Variants in CALN1 observed in about 807,000 individuals in gnomAD.
The protein encoded by CALN1 is calneuron 1, also known as calcium-binding protein 8.
In CALN1, 17 loss-of-function variants were observed where a neutral mutation model predicts 30.6. The ratio of observed to expected loss-of-function variants is 0.56; its 90% CI spans 0.38 to 0.83. The LOEUF (loss-of-function observed/expected upper bound fraction) is 0.83. Among genes scored for constraint, CALN1 ranks in the 40% least tolerant of loss-of-function variants. The pLI is 0.00. For missense variants in CALN1, 291 were observed against 354.9 expected (o/e 0.82, Z 1.45); for synonymous variants, 156 against 131.4 (o/e 1.19, Z -1.28).
At chr7:71,810,579 C>G in intron 5 of CALN1, 87 bp from the exon 6 acceptor site, 7 of 1,372,444 alleles carry the variant, frequency 5.1e-6, no homozygotes, top group Non-Finnish European at 7.0e-6. Flanking sequence ...CCCACAGCTG[C>G]TCTGCAGAAA....
intron 2 of CALN1, among the ~76,000 whole-genome samples, chr7:72,375,062 C>T (rs1203866360): frequency 6.6e-6 from 1 of 152,068 alleles, no homozygotes; most frequent in Non-Finnish European, 1.5e-5. Flanking sequence ...AAAAGATTGT[C>T]TTTATTTACA....
chr7:71,892,039 A>G (rs1460985459), intron 5 of CALN1, among the ~76,000 whole-genome samples: 2 of 152,332 alleles, frequency 1.3e-5, no homozygotes, highest in East Asian at 1.9e-4. Flanking sequence ...GGCAGAGACT[A>G]TATCATGCCT....
intron 2 of CALN1, among the ~76,000 whole-genome samples, chr7:72,366,032 A>G (rs888980246): frequency 2.0e-5 from 3 of 152,314 alleles, no homozygotes; most frequent in African/African-American, 4.8e-5. Context: ...AGACATGTTT[A>G]TAAGGATGTG....
In CALN1 at chr7:72,408,270, T is replaced by TAAA. The variant is rs34402288; in HGVS notation, c.-74+3785_-74+3787dup. ...CAACATGGTGAAACCCCATCTCTAT[T>TAAA]AAAAAAAAAAAAAAAAAAAAATTAG... On this transcript the variant is annotated intron_variant, in intron 1 of 6. Transcript: ENST00000395275. 4.0e-4 allele frequency among the ~76,000 whole-genome samples: 52 copies of TAAA among 129,448 alleles called. 1 individual carries two copies. The East Asian group carries it at 8.4e-3, about 21-fold the overall frequency. The allele number at this position is 129,448 out of a possible 152,430, so 84.9% of individuals were successfully genotyped here. A position where few individuals can be genotyped will look rare whatever the true frequency, so the allele number is the denominator to read the frequency against.
intron 5 of CALN1, among the ~76,000 whole-genome samples, chr7:71,962,032 T>A (rs919979504): frequency 5.9e-5 from 9 of 152,150 alleles, no homozygotes; most frequent in Non-Finnish European, 1.0e-4. Context: ...CATCTCTTCA[T>A]TTGTATCTGC....
rs549931085 is a variant in CALN1 at position 71,996,786 on chromosome 7, T to A, written c.501+26871A>T. 7.2e-5 allele frequency among the ~76,000 whole-genome samples: 11 copies of A among 151,902 alleles called. No individual in the cohort carries two copies. In the South Asian group the frequency reaches 1.0e-3, roughly 14 times the overall value. ...ATGTATCCTTAAAATAAAATAAAAT[T>A]AAATTAAAAAAAGAAGTCACCATGA... On this transcript the variant is annotated intron_variant, in intron 5 of 6. Transcript: ENST00000395275.
chr7:72,412,529 G>A (rs1330249762), upstream of CALN1, among the ~76,000 whole-genome samples: 3 of 151,998 alleles, frequency 2.0e-5, no homozygotes, highest in Non-Finnish European at 2.9e-5. Context: ...GCTAGACACA[G>A]AGCACCGATT....
chr7:72,345,410 G>A (rs150696792), intron 2 of CALN1, among the ~76,000 whole-genome samples: 2 of 3,560 alleles, frequency 5.6e-4, no homozygotes, highest in East Asian at 0.029. Flanking sequence ...AGGAAAGAAA[G>A]AAGAGAAAGG....
At chr7:72,014,172 C>T (rs530610862) in intron 5 of CALN1, among the ~76,000 whole-genome samples, 5 of 151,114 alleles carry the variant, frequency 3.3e-5, no homozygotes, top group African/African-American at 7.3e-5. Context: ...CTGCAGCCTC[C>T]GTCCCCTGGG....
Position 72,022,497 on chromosome 7 carries a change from A to G in CALN1, c.501+1160T>C, listed in dbSNP as rs141244336. On this transcript the variant is annotated intron_variant, in intron 5 of 6. Coordinates refer to ENST00000395275, the MANE Select transcript of CALN1 (RefSeq NM_031468.4). ...AGCTTTGAACTCCTGGGCTCAAGCG[A>G]TCTTCCTCCCTCAGCCTCAAGAGTA... 2.2e-3 allele frequency among the ~76,000 whole-genome samples: 335 copies of G among 152,328 alleles called. 2 individuals are homozygous for G. The highest frequency in any genetic ancestry group is 7.4e-3 in the African/African-American group (306 of 41,582).
intron 2 of CALN1, among the ~76,000 whole-genome samples, chr7:72,355,765 G>T (rs1803184299): frequency 6.6e-6 from 1 of 152,150 alleles, no homozygotes; most frequent in Non-Finnish European, 1.5e-5. Flanking sequence ...TTAAATGGGT[G>T]GATTCCTGGG....
chr7:71,959,148 T>C (rs1402909235), intron 5 of CALN1, among the ~76,000 whole-genome samples: 1 of 152,200 alleles, frequency 6.6e-6, no homozygotes, highest in African/African-American at 2.4e-5. Context: ...TCACCAGACT[T>C]AGTAGCAGTG....
chr7:72,321,611 G>A (rs1416930120), intron 2 of CALN1, among the ~76,000 whole-genome samples: 2 of 152,192 alleles, frequency 1.3e-5, no homozygotes, highest in Non-Finnish European at 2.9e-5. Flanking sequence ...TCCAACTGCA[G>A]AAGCAAAGAA....
chr7:72,141,641 T>C (rs1256549304), intron 3 of CALN1, among the ~76,000 whole-genome samples: 2 of 152,102 alleles, frequency 1.3e-5, no homozygotes, highest in African/African-American at 4.8e-5. Flanking sequence ...TGATCTCAGA[T>C]CACTGCAACC....
chr7:71,795,814 C>CTTTTTTTTTTTT (rs55667543), intron 6 of CALN1, among the ~76,000 whole-genome samples: 20 of 98,588 alleles, frequency 2.0e-4, no homozygotes, highest in African/African-American at 4.9e-4. Flanking sequence ...GTACTTCATT[C>CTTTTTTTTTTTT]TTTTTTTTTT....
At chr7:71,929,122 T>C (rs74608366) in intron 5 of CALN1, among the ~76,000 whole-genome samples, 3,093 of 152,290 alleles carry the variant, frequency 0.02, 94 homozygotes, top group African/African-American at 0.071. Flanking sequence ...TTTTTAATAT[T>C]TATTTTTCCA....
chr7:72,281,669 G>A (rs1323786623), intron 2 of CALN1, among the ~76,000 whole-genome samples: 1 of 152,140 alleles, frequency 6.6e-6, no homozygotes, highest in African/African-American at 2.4e-5. Flanking sequence ...GACCCACTAA[G>A]GTCGGTACAA....
In CALN1 at chr7:71,780,161, G is replaced by A. The variant is rs1792642371; in HGVS notation, c.*7614C>T. 6.6e-6 allele frequency: 1 copy of A among 152,098 alleles called. No homozygotes were observed. The highest frequency in any genetic ancestry group is 6.5e-5 in the Admixed American group (1 of 15,276). 9.4% of individuals were successfully genotyped at this position (152,098 alleles called of 1,614,324 possible). The stretch of plus-strand genomic sequence containing the variant: ...AAGCTTCTTCCTGGATTCAGAACTG[G>A]GGAAGAAAATCAGACCCCAATAAGG... On this transcript the variant is annotated 3_prime_UTR_variant, in exon 7 of 7. Transcript: ENST00000395275.
intron 1 of CALN1, among the ~76,000 whole-genome samples, chr7:72,406,776 C>G (rs1806728765): frequency 6.6e-6 from 1 of 152,110 alleles, no homozygotes; most frequent in Non-Finnish European, 1.5e-5. Context: ...ACCACCAGGC[C>G]TGGCTAATTT....
Sources: gnomAD v4.1 joint callset for allele counts (sites outside exome capture counted in the v4.1 genomes callset) on GRCh38, gnomAD v4.1.1 for gene constraint, MANE v1.5 for transcripts, NCBI Gene and HGNC (gene_info 2026-07-23, HGNC 2026-07-21) for gene names.